The following SRFBP1 variants were observed in gnomAD, a reference collection of about 807,000 sequenced individuals.
SRFBP1 encodes serum response factor-binding protein 1.
Under a neutral mutation model 45.5 loss-of-function variants are expected in SRFBP1, and 47 were observed. That is an observed-to-expected ratio of 1.03 (90% CI 0.82 to 1.32). The LOEUF is 1.32. SRFBP1 is among the 40% of genes most tolerant of loss of function. SRFBP1 has a pLI of 0.00. For missense variants in SRFBP1, 621 were observed against 484.6 expected (o/e 1.28, Z -2.64); for synonymous variants, 203 against 166.3 (o/e 1.22, Z -1.70).
chr5:121,992,557 C>G (rs567233309), intron 3 of SRFBP1, among the ~76,000 whole-genome samples: 3 of 152,020 alleles, frequency 2.0e-5, no homozygotes, highest in African/African-American at 7.2e-5. Flanking sequence ...GTCCCTTCTG[C>G]CATGTAAAAT....
At chr5:121,995,293 A>G (rs551193408) in intron 4 of SRFBP1, among the ~76,000 whole-genome samples, 33 of 152,256 alleles carry the variant, frequency 2.2e-4, no homozygotes, top group African/African-American at 7.7e-4. Context: ...ATGTAAAAGA[A>G]CAGAAATTAT....
At chr5:121,968,690 G>C (rs1011018523) in intron 1 of SRFBP1, among the ~76,000 whole-genome samples, 1 of 152,048 alleles carries the variant, frequency 6.6e-6, no homozygotes, top group Non-Finnish European at 1.5e-5. Flanking sequence ...CCTAGAAGTA[G>C]GACTTTTGTT....
intron 2 of SRFBP1, among the ~76,000 whole-genome samples, chr5:122,069,143 C>T (rs1057160185): frequency 6.6e-6 from 1 of 152,068 alleles, no homozygotes; most frequent in African/African-American, 2.4e-5. Flanking sequence ...TGTAGAAAGT[C>T]CTGGGTTTTT....
chr5:122,022,167 T>A (rs1753340303), intron 6 of SRFBP1, among the ~76,000 whole-genome samples: 1 of 152,176 alleles, frequency 6.6e-6, no homozygotes, highest in Non-Finnish European at 1.5e-5. Context: ...TCCTCATGTG[T>A]CTGTAGTAAC....
At chr5:121,984,645 G>A (rs1372811672) in intron 3 of SRFBP1, among the ~76,000 whole-genome samples, 2 of 151,754 alleles carry the variant, frequency 1.3e-5, no homozygotes, top group Non-Finnish European at 3.0e-5. Context: ...CCTAGCCATA[G>A]TACACTTTAA....
chr5:122,027,178 T>A lies in SRFBP1; in HGVS notation c.*52T>A, dbSNP rs772289428. The A allele has an allele frequency of 7.0e-6, 10 of 1,431,156 alleles. No individual in the cohort carries two copies. The highest frequency in any genetic ancestry group is 4.1e-5 in the Admixed American group (2 of 49,262). The allele number at this position is 1,431,156 out of a possible 1,614,324, so 88.7% of individuals were successfully genotyped here. A position where few individuals can be genotyped will look rare whatever the true frequency, so the allele number is the denominator to read the frequency against. ...CATCTAAAAAAAAAAATGTTTTTTT[T>A]AAGACAGGATCTCATTCTGTTGCCC... is the stretch of plus-strand genomic sequence containing the variant. On this transcript the variant is annotated 3_prime_UTR_variant, in exon 8 of 8. Transcript: ENST00000339397.
At chr5:121,973,034 A>G (rs1489080086) in intron 1 of SRFBP1, among the ~76,000 whole-genome samples, 1 of 151,906 alleles carries the variant, frequency 6.6e-6, no homozygotes, top group Non-Finnish European at 1.5e-5. Flanking sequence ...GTAAGAGAAG[A>G]TATTAATTAA....
chr5:121,970,924 T>C (rs1364786146), intron 1 of SRFBP1, among the ~76,000 whole-genome samples: 1 of 152,102 alleles, frequency 6.6e-6, no homozygotes, highest in Non-Finnish European at 1.5e-5. Flanking sequence ...TTAAAGGTAC[T>C]TGTGACCCTC....
rs778436958 is a variant in SRFBP1, at chr5:121,975,360, A to T, written c.171A>T (p.Arg57Ser). 1 of 1,613,348 alleles carries T rather than the reference A, an allele frequency of 6.2e-7. No homozygotes were observed. Among genetic ancestry groups the T allele is most frequent in the South Asian group, 1.1e-5 (1 of 91,074 alleles). ...ALLKNQRRAQ[R>S]LLEEIHAMKE... is the part of the protein sequence containing the mutation. ...TAAAAAACCAAAGACGGGCGCAAAGATTGCTTGAAGAAATCCATGCCATGA... is the reference window on the plus strand; with the variant it reads ...TAAAAAACCAAAGACGGGCGCAAAGTTTGCTTGAAGAAATCCATGCCATGA... Residue 57 changes from arginine (R) to serine (S), a missense_variant, in exon 3 of 8, where the codon AGA becomes AGT. By Grantham distance (110) the Arg-to-Ser change is moderately radical. Transcript: ENST00000339397.
chr5:122,065,712 T>G (rs972217392), intron 2 of SRFBP1: 3 of 152,102 alleles, frequency 2.0e-5, no homozygotes, highest in Admixed American at 1.3e-4. Flanking sequence ...CTGAACATCT[T>G]TTTAAAATCT....
intron 4 of SRFBP1, among the ~76,000 whole-genome samples, chr5:122,010,856 C>T (rs1158023012): frequency 6.6e-6 from 1 of 151,968 alleles, no homozygotes; most frequent in Non-Finnish European, 1.5e-5. Flanking sequence ...TTTTTCCTTC[C>T]TATGGAAAAG....
chr5:121,984,017 C>T (rs747033838), intron 3 of SRFBP1, among the ~76,000 whole-genome samples: 2 of 151,734 alleles, frequency 1.3e-5, no homozygotes, highest in Admixed American at 6.6e-5. Flanking sequence ...CTACAGTCAA[C>T]ATTATATTCC....
intron 4 of SRFBP1, among the ~76,000 whole-genome samples, chr5:122,013,044 A>G (rs1376950578): frequency 6.6e-6 from 1 of 152,100 alleles, no homozygotes; most frequent in African/African-American, 2.4e-5. Flanking sequence ...TTTCTGTAAT[A>G]AAGAGATCTT....
chr5:121,998,987 T>C (rs1017468775), intron 4 of SRFBP1, among the ~76,000 whole-genome samples: 1 of 152,154 alleles, frequency 6.6e-6, no homozygotes, highest in Non-Finnish European at 1.5e-5. Context: ...TTGCGTTTGT[T>C]TTTACTTTCA....
At chr5:122,000,034 T>C (rs1363806102) in intron 4 of SRFBP1, among the ~76,000 whole-genome samples, 3 of 152,074 alleles carry the variant, frequency 2.0e-5, no homozygotes, top group African/African-American at 7.2e-5. Flanking sequence ...TTTTTTGGTC[T>C]GTGAGTTAAA....
Position 122,027,140 on chromosome 5 carries a change from C to A in SRFBP1, c.*14C>A. 6.3e-7 allele frequency: 1 copy of A among 1,579,032 alleles called. No individual in the cohort carries two copies. ...TTTGATGATTGATTAGTGCCTCTTT[C>A]TGCAAACTTTTCCATCTAAAAAAAA... On this transcript the variant is annotated 3_prime_UTR_variant, in exon 8 of 8. Transcript: ENST00000339397.
At chr5:122,026,848 C>A (rs1031773700) in intron 7 of SRFBP1, 94 bp from the exon 8 acceptor site, 1 of 886,156 alleles carries the variant, frequency 1.1e-6, no homozygotes, top group South Asian at 3.0e-5. Flanking sequence ...AACAAAATTT[C>A]TTTTTTTAAC....
intron 2 of SRFBP1, among the ~76,000 whole-genome samples, chr5:122,060,160 A>C (rs1465926242): frequency 1.3e-5 from 2 of 152,086 alleles, no homozygotes; most frequent in African/African-American, 4.8e-5. Context: ...AGTAGAGAAG[A>C]TGGTGGCATT....
chr5:122,017,487 C>CTTA, intron 4 of SRFBP1, among the ~76,000 whole-genome samples: 1 of 152,148 alleles, frequency 6.6e-6, no homozygotes, highest in Middle Eastern at 3.2e-3. Flanking sequence ...GGGCTTAAGA[C>CTTA]CACCCTGATC....
Sources: allele counts gnomAD v4.1 joint callset (sites outside exome capture counted in the v4.1 genomes callset), GRCh38; gene constraint gnomAD v4.1.1; transcripts MANE v1.5; gene names NCBI Gene and HGNC (gene_info 2026-07-23, HGNC 2026-07-21).